The following SYT1 variants were observed in gnomAD, a reference collection of about 807,000 sequenced individuals.
The protein encoded by SYT1 is synaptotagmin-1.
SYT1 carries 8 observed loss-of-function variants against 44.8 expected under a neutral mutation model. The observed-to-expected ratio is 0.18, with a 90% confidence interval of 0.10 to 0.32. The LOEUF is 0.32. SYT1 is among the 10% of genes least tolerant of loss of function. SYT1 has a pLI of 1.00. For synonymous variants in SYT1, 154 were observed against 188.8 expected (o/e 0.82, Z 1.51); for missense variants, 286 against 509.3 (o/e 0.56, Z 4.22).
At chr12:79,096,862 G>C (rs1040517752) in intron 3 of SYT1, among the ~76,000 whole-genome samples, 11 of 152,034 alleles carry the variant, frequency 7.2e-5, no homozygotes, top group African/African-American at 2.7e-4. Flanking sequence ...CAGTGAGGTG[G>C]GACAAAAGCA....
intron 4 of SYT1, among the ~76,000 whole-genome samples, chr12:79,251,699 G>T (rs968645638): frequency 1.3e-5 from 2 of 152,174 alleles, no homozygotes; most frequent in African/African-American, 2.4e-5. Context: ...ACAGTAAAAA[G>T]TGTGTTCAAT....
intron 3 of SYT1, among the ~76,000 whole-genome samples, chr12:79,206,616 C>G (rs1191148566): frequency 3.3e-5 from 5 of 152,192 alleles, no homozygotes; most frequent in Non-Finnish European, 7.3e-5. Context: ...TCCTTAGCTT[C>G]CATGATGGGA....
In SYT1 at chr12:78,868,693, T is replaced by G. The variant is rs922210831; in HGVS notation, c.-217+3584T>G. Reference sequence around the variant, plus strand: ...ATAATTTGCTGAAACTAGGGGCTATTCATGTACAAAGTACCATTTAAAGAA... The same window carrying G: ...ATAATTTGCTGAAACTAGGGGCTATGCATGTACAAAGTACCATTTAAAGAA... On this transcript the variant is annotated intron_variant, in intron 1 of 10. Coordinates refer to ENST00000261205, the MANE Select transcript of SYT1 (RefSeq NM_005639.3). The G allele has an allele frequency of 2.6e-5, 4 of 151,928 alleles. No homozygotes were observed. In the East Asian group the frequency reaches 7.7e-4, roughly 29 times the overall value. The allele number at this position is 151,928 out of a possible 1,614,324, so 9.4% of individuals were successfully genotyped here.
At chr12:79,252,297 G>A (rs1592899838) in intron 4 of SYT1, among the ~76,000 whole-genome samples, 1 of 152,022 alleles carries the variant, frequency 6.6e-6, no homozygotes, top group African/African-American at 2.4e-5. Flanking sequence ...CTAATTTATT[G>A]TTGACATTCA....
intron 9 of SYT1, among the ~76,000 whole-genome samples, chr12:79,365,728 C>T (rs1268918): frequency 0.36 from 53,825 of 150,802 alleles, 13,022 homozygotes; most frequent in African/African-American, 0.69. Flanking sequence ...TGTCATTATG[C>T]ATCTAAATAA....
intron 2 of SYT1, among the ~76,000 whole-genome samples, chr12:78,982,431 A>C (rs1164392930): frequency 6.6e-6 from 1 of 152,192 alleles, no homozygotes; most frequent in East Asian, 1.9e-4. Flanking sequence ...GGGAAAAAAT[A>C]ATTGTTCATC....
intron 1 of SYT1, among the ~76,000 whole-genome samples, chr12:78,934,536 C>CA (rs1020560790): frequency 6.6e-6 from 1 of 151,912 alleles, no homozygotes; most frequent in Admixed American, 6.6e-5. Flanking sequence ...GACTCTGTCT[C>CA]AAAAAACAAA....
chr12:79,186,027 C>T (rs1018665183), intron 3 of SYT1, among the ~76,000 whole-genome samples: 5 of 151,988 alleles, frequency 3.3e-5, no homozygotes, highest in Admixed American at 1.3e-4. Flanking sequence ...GAAGCTGCTT[C>T]TGTCACCTTT....
At chr12:78,918,134 C>T (rs755118736) in intron 1 of SYT1, among the ~76,000 whole-genome samples, 8 of 151,936 alleles carry the variant, frequency 5.3e-5, no homozygotes, top group Admixed American at 1.3e-4. Context: ...CTTTTTCAGA[C>T]GCTATGCTTT....
chr12:79,341,229 G>A (rs1312180174), intron 8 of SYT1: 1 of 152,040 alleles, frequency 6.6e-6, no homozygotes, highest in Non-Finnish European at 1.5e-5. Context: ...TTTATTATTA[G>A]TATTAATTAT....
At chr12:79,031,528 T>A (rs1479513828) in intron 2 of SYT1, among the ~76,000 whole-genome samples, 2 of 151,160 alleles carry the variant, frequency 1.3e-5, no homozygotes, top group Non-Finnish European at 3.0e-5. Context: ...TATTTATGGC[T>A]TGAATATCCC....
chr12:78,895,247 A>G (rs555082866), intron 1 of SYT1, among the ~76,000 whole-genome samples: 81 of 151,798 alleles, frequency 5.3e-4, no homozygotes, highest in Non-Finnish European at 1.0e-3. Flanking sequence ...AAGATAAAAA[A>G]GTGTTTTTTC....
chr12:79,015,206 T>TAAA (rs761893571), intron 2 of SYT1, among the ~76,000 whole-genome samples: 1 of 151,924 alleles, frequency 6.6e-6, no homozygotes, highest in East Asian at 1.9e-4. Flanking sequence ...AAACTTAAAG[T>TAAA]ATAATAATAA....
At chr12:79,187,881 C>T (rs571870298) in intron 3 of SYT1, among the ~76,000 whole-genome samples, 90 of 152,206 alleles carry the variant, frequency 5.9e-4, no homozygotes, top group African/African-American at 2.1e-3. Flanking sequence ...TTGTAGGGCA[C>T]AAGCTAATCT....
At chr12:79,238,826 G>C in intron 4 of SYT1, among the ~76,000 whole-genome samples, 1 of 152,156 alleles carries the variant, frequency 6.6e-6, no homozygotes, top group East Asian at 1.9e-4. Context: ...TTGAATGTGA[G>C]AAATCCTTTT....
intron 2 of SYT1, chr12:79,045,871 T>G (rs1321011898): frequency 2.6e-5 from 4 of 152,242 alleles, no homozygotes; most frequent in African/African-American, 9.6e-5. Context: ...TATTCTCTTA[T>G]TTTTTAATAG....
intron 4 of SYT1, among the ~76,000 whole-genome samples, chr12:79,262,586 C>T (rs1877893132): frequency 6.6e-6 from 1 of 152,134 alleles, no homozygotes; most frequent in South Asian, 2.1e-4. Flanking sequence ...GATTCTCATC[C>T]ACACAATCCT....
intron 3 of SYT1, among the ~76,000 whole-genome samples, chr12:79,107,755 TTGA>T (rs1315625530): frequency 6.6e-6 from 1 of 151,942 alleles, no homozygotes; most frequent in Non-Finnish European, 1.5e-5. Flanking sequence ...AACCAGTAAC[TTGA>T]TGTTGTATCA....
rs868415192 is a variant in SYT1 at position 79,178,975 on chromosome 12, G to T, written c.-17-38528G>T. On this transcript the variant is annotated intron_variant, in intron 3 of 10. Transcript: ENST00000261205. ...ATATAGATATAGATATAGATATATAGATATAGATATATCTATATAGATATA... is the reference window on the plus strand; with the variant it reads ...ATATAGATATAGATATAGATATATATATATAGATATATCTATATAGATATA... Among the ~76,000 whole-genome samples, 361 of 88,966 alleles carry T rather than the reference G, an allele frequency of 4.1e-3. 68 individuals carry two copies. The highest frequency in any genetic ancestry group is 0.017 in the African/African-American group (309 of 18,672). 58.4% of individuals were successfully genotyped at this position (88,966 alleles called of 152,430 possible). A position where few individuals can be genotyped will look rare whatever the true frequency, so the allele number is the denominator to read the frequency against.
Sources: gnomAD v4.1 joint callset for allele counts (sites outside exome capture counted in the v4.1 genomes callset) on GRCh38, gnomAD v4.1.1 for gene constraint, MANE v1.5 for transcripts, NCBI Gene and HGNC (gene_info 2026-07-23, HGNC 2026-07-21) for gene names.